DSG1: variants seen among roughly 807,000 people sequenced by gnomAD.
DSG1 encodes the protein desmoglein-1.
DSG1 carries 39 observed loss-of-function variants against 97.5 expected under a neutral mutation model. The observed-to-expected ratio is 0.40, with a 90% CI of 0.31 to 0.52. The LOEUF (loss-of-function observed/expected upper bound fraction) is 0.52, where lower values mean the gene tolerates loss of function less well. DSG1 is among the 20% of genes least tolerant of loss of function. The probability of loss-of-function intolerance (pLI) is 0.53; values close to 1 mark genes in which losing one functional copy is unlikely to be tolerated. For missense variants in DSG1, 1,311 were observed against 1,295.4 expected (o/e 1.01, Z -0.18); for synonymous variants, 475 against 443.4 (o/e 1.07, Z -0.90).
In DSG1 at chr18:31,354,964, C is replaced by A. The variant is rs148488583; in HGVS notation, c.2768C>A (p.Thr923Lys). The A allele has an allele frequency of 1.9e-6, 3 of 1,614,086 alleles. No individual in the cohort carries two copies. In the African/African-American group the frequency reaches 4.0e-5, roughly 22 times the overall value. ...HPRESSNVVV[T>K]ERVIQPTSGM... is the part of the protein sequence containing the mutation. ...AGAGAGTCTTCAAATGTGGTAGTGA[C>A]AGAAAGAGTAATCCAACCAACTTCC... Residue 923 changes from threonine to lysine, a missense_variant, in exon 15 of 15, where the codon ACA becomes AAA. By Grantham distance (78) the Thr-to-Lys change is moderately conservative. Around this residue, in one of 3 missense-constraint regions of DSG1, gnomAD observed 1,038 missense variants for 964.6 expected, o/e 1.08. Coordinates refer to ENST00000257192, the MANE Select transcript of DSG1 (RefSeq NM_001942.4).
intron 11 of DSG1, 179 bp from the exon 12 acceptor site, chr18:31,343,271 A>G (rs1461898226): frequency 8.5e-6 from 7 of 821,042 alleles, no homozygotes; most frequent in African/African-American, 3.4e-5. Flanking sequence ...TCTAATATAC[A>G]GAAGCTCCCA....
At chr18:31,325,330 G>A (rs555666711) in intron 1 of DSG1, among the ~76,000 whole-genome samples, 2 of 152,240 alleles carry the variant, frequency 1.3e-5, no homozygotes, top group African/African-American at 4.8e-5. Flanking sequence ...AAGCACTGGC[G>A]CTCCAATGCA....
rs1173007198 is a variant in DSG1, at chr18:31,356,303, G to A, written c.*957G>A. The A allele has an allele frequency of 1.3e-5, 2 of 152,104 alleles. No homozygotes were observed. The highest frequency in any genetic ancestry group is 3.8e-4 in the East Asian group (2 of 5,196). The allele number at this position is 152,104 out of a possible 1,614,324, so 9.4% of individuals were successfully genotyped here. On this transcript the variant is annotated 3_prime_UTR_variant, in exon 15 of 15. Transcript: ENST00000257192. ...GTGTTTTCAGGTTTTGTTTTTAGTA[G>A]GTGATATTCATTCGTATCCAGCTCT...
chr18:31,358,391 A>C lies in DSG1; in HGVS notation c.*3045A>C, dbSNP rs2071976313. 6.6e-6 allele frequency among the ~76,000 whole-genome samples: 1 copy of C among 152,056 alleles called. No individual in the cohort carries two copies. Among genetic ancestry groups the C allele is most frequent in the Admixed American group, 6.5e-5 (1 of 15,272 alleles). On this transcript the variant is annotated 3_prime_UTR_variant, in exon 15 of 15. Coordinates refer to ENST00000257192, the MANE Select transcript of DSG1 (RefSeq NM_001942.4). ...GCACTGAAAAATTAAAAGAAAAAGT[A>C]CATATTTAGGGTTATTTATATATCT... is the stretch of plus-strand genomic sequence containing the variant.
chr18:31,336,548 A>T lies in DSG1; in HGVS notation c.1200A>T (p.Ser400=), dbSNP rs2071755016. 6.2e-7 allele frequency: 1 copy of T among 1,614,092 alleles called. No individual in the cohort carries two copies. Among genetic ancestry groups the T allele is most frequent in the East Asian group, 2.2e-5 (1 of 44,850 alleles). ...KTYVVTGNMG[S]NDKVGDFVAT... is the part of the protein sequence containing the mutation. ...ATGTTGTAACTGGTAATATGGGATC[A>T]AATGATAAAGTGGGAGACTTTGTAG... The change falls in exon 9 of 15, where the codon TCA becomes TCT. Residue 400 remains serine (S), a synonymous_variant. Coordinates refer to ENST00000257192, the MANE Select transcript of DSG1 (RefSeq NM_001942.4).
chr18:31,329,274 A>G (rs898184849), intron 4 of DSG1, among the ~76,000 whole-genome samples: 4 of 152,096 alleles, frequency 2.6e-5, no homozygotes, highest in Admixed American at 1.3e-4. Flanking sequence ...AAAAATAGAA[A>G]TAAAGAAACC....
At position 31,357,227 on chromosome 18, in the gene DSG1, A is replaced by C. The variant is rs1598721942; in HGVS notation, c.*1881A>C. On this transcript the variant is annotated 3_prime_UTR_variant, in exon 15 of 15. Coordinates refer to ENST00000257192, the MANE Select transcript of DSG1 (RefSeq NM_001942.4). Reference sequence around the variant, plus strand: ...AAGCCACAGTATACATCTTCTTTTAACTCTGTAGAATATGTAAAATTTTGA... The same window carrying C: ...AAGCCACAGTATACATCTTCTTTTACCTCTGTAGAATATGTAAAATTTTGA... Among the ~76,000 whole-genome samples the C allele has an allele frequency of 1.3e-5, 2 of 152,178 alleles. No individual in the cohort carries two copies.
intron 1 of DSG1, among the ~76,000 whole-genome samples, chr18:31,322,982 G>A (rs1217615939): frequency 1.3e-5 from 2 of 152,100 alleles, no homozygotes; most frequent in Non-Finnish European, 2.9e-5. Flanking sequence ...TAAATGGATT[G>A]GTTCCTAAAA....
At chr18:31,346,935 T>C (rs1423831305) in intron 14 of DSG1, among the ~76,000 whole-genome samples, 4 of 152,112 alleles carry the variant, frequency 2.6e-5, no homozygotes, top group African/African-American at 9.7e-5. Flanking sequence ...AAGAACGAGC[T>C]GTAGGTGGTG....
rs2144131534 is a variant in DSG1, at chr18:31,356,936, GA to G, written c.*1593del. The G allele has an allele frequency of 6.6e-6, 1 of 152,142 alleles. No homozygotes were observed. The highest frequency in any genetic ancestry group is 1.5e-5 in the Non-Finnish European group (1 of 67,968). 9.4% of individuals were successfully genotyped at this position (152,142 alleles called of 1,614,324 possible). A position where few individuals can be genotyped will look rare whatever the true frequency, so the allele number is the denominator to read the frequency against. On this transcript the variant is annotated 3_prime_UTR_variant, in exon 15 of 15. Coordinates refer to ENST00000257192, the MANE Select transcript of DSG1 (RefSeq NM_001942.4). ...GGTAAATTTACTATTGCATGGTACA[GA>G]AATTTTTTCTTTCTTAAATACAATG...
chr18:31,345,848 CCTTT>C, intron 13 of DSG1, 138 bp from the exon 14 acceptor site: 1 of 646,538 alleles, frequency 1.5e-6, no homozygotes, highest in Non-Finnish European at 2.7e-6. Flanking sequence ...ATTTATATCT[CCTTT>C]CTTTATGTAT....
intron 14 of DSG1, 56 bp downstream of exon 14, chr18:31,346,254 C>A: frequency 7.1e-7 from 1 of 1,399,220 alleles, no homozygotes; most frequent in Non-Finnish European, 1.0e-6. Flanking sequence ...TGCTCTTCAC[C>A]AAGCTTTCAC....
In DSG1 at chr18:31,340,044, C is replaced by G. The variant is rs763017805; in HGVS notation, c.1687+19C>G. 7.4e-6 allele frequency: 12 copies of G among 1,613,066 alleles called. No individual in the cohort carries two copies. In the Admixed American group the frequency reaches 2.0e-4, roughly 27 times the overall value. On this transcript the variant is annotated intron_variant, in intron 11 of 14. Transcript: ENST00000257192. ...TTAGGATGTAAGTACTTTAGCAATC[C>G]TATGTATATGTGTCCCCCAAAAAAT...
At position 31,355,430 on chromosome 18, in the gene DSG1, C is replaced by T. The variant is rs186409786; in HGVS notation, c.*84C>T. ...AAAAAACCAACAATGTGATTTATAA[C>T]GCACAACTTCGTGCTCAGGTCATCT... On this transcript the variant is annotated 3_prime_UTR_variant, in exon 15 of 15. Coordinates refer to ENST00000257192, the MANE Select transcript of DSG1 (RefSeq NM_001942.4). 349 of 1,363,434 alleles carry T rather than the reference C, an allele frequency of 2.6e-4. No individual in the cohort carries two copies. The highest frequency in any genetic ancestry group is 2.1e-3 in the South Asian group (173 of 81,830). 84.5% of individuals were successfully genotyped at this position (1,363,434 alleles called of 1,614,324 possible).
chr18:31,334,626 T>C (rs531295104), intron 8 of DSG1, among the ~76,000 whole-genome samples: 88 of 152,272 alleles, frequency 5.8e-4, no homozygotes, highest in Middle Eastern at 3.4e-3. Context: ...TAAATAAAAA[T>C]GTATTTATTC....
intron 1 of DSG1, among the ~76,000 whole-genome samples, chr18:31,320,628 C>T (rs1379524908): frequency 6.6e-6 from 1 of 152,210 alleles, no homozygotes; most frequent in Admixed American, 6.5e-5. Context: ...GAGATTACAC[C>T]TGCTATAACA....
At chr18:31,336,147 C>A (rs971830565) in intron 8 of DSG1, among the ~76,000 whole-genome samples, 1 of 152,008 alleles carries the variant, frequency 6.6e-6, no homozygotes, top group African/African-American at 2.4e-5. Context: ...AACAATGAAT[C>A]TAGGGGAATT....
intron 8 of DSG1, among the ~76,000 whole-genome samples, chr18:31,335,952 A>T (rs2144098199): frequency 6.6e-6 from 1 of 151,866 alleles, no homozygotes; most frequent in Admixed American, 6.6e-5. Context: ...AAATGATTGA[A>T]ACTCTAGTAT....
chr18:31,320,327 C>G (rs570366673), intron 1 of DSG1, among the ~76,000 whole-genome samples: 215 of 152,266 alleles, frequency 1.4e-3, no homozygotes, highest in Admixed American at 2.8e-3. Flanking sequence ...ATATTCGTCT[C>G]TACTCAAAGT....
Sources: gnomAD v4.1 joint callset for allele counts (sites outside exome capture counted in the v4.1 genomes callset) on GRCh38, gnomAD v4.1.1 for gene constraint, gnomAD v4.1.1 regional missense constraint, MANE v1.5 for transcripts, NCBI Gene and HGNC (gene_info 2026-07-23, HGNC 2026-07-21) for gene names.